The following ACOXL variants were observed in gnomAD, a reference collection of about 807,000 sequenced individuals.
The protein encoded by ACOXL is acyl-coenzyme A oxidase-like protein.
Under a neutral mutation model 71.9 loss-of-function variants are expected in ACOXL, and 70 were observed. The observed-to-expected ratio is 0.97, with a 90% confidence interval of 0.80 to 1.19. The LOEUF is 1.19. Ranked by LOEUF, ACOXL falls within the 50% of genes most tolerant of loss-of-function variation. The pLI is 0.00. For missense variants in ACOXL, 703 were observed against 736.3 expected, an observed-to-expected ratio of 0.95 and a Z score of 0.52; for synonymous variants, 253 against 281.6, an observed-to-expected ratio of 0.90 and a Z score of 1.02.
chr2:110,754,944 G>A (rs1028314131), intron 1 of ACOXL, among the ~76,000 whole-genome samples: 1 of 152,134 alleles, frequency 6.6e-6, no homozygotes, highest in Non-Finnish European at 1.5e-5. Flanking sequence ...TACCTCCAGC[G>A]AATGAGGGGT....
chr2:110,838,347 TGTGTGTGTGTGC>T (rs112762834), intron 9 of ACOXL, among the ~76,000 whole-genome samples: 161 of 151,794 alleles, frequency 1.1e-3, no homozygotes, highest in African/African-American at 3.6e-3. Flanking sequence ...GTACATGTGC[TGTGTGTGTGTGC>T]GTGTGTGTGC....
At chr2:110,985,729 G>A (rs1447609107) in intron 12 of ACOXL, among the ~76,000 whole-genome samples, 1 of 152,154 alleles carries the variant, frequency 6.6e-6, no homozygotes, top group Admixed American at 6.5e-5. Flanking sequence ...CTGGGACTTG[G>A]AAAACCTGAA....
chr2:110,987,108 G>T lies in ACOXL; in HGVS notation c.1060G>T (p.Val354Phe), dbSNP rs769913620. 6.4e-7 allele frequency: 1 copy of T among 1,564,298 alleles called. No homozygotes were observed. Among genetic ancestry groups the T allele is most frequent in the South Asian group, 1.2e-5 (1 of 85,228 alleles). ...GATGAGCGATAAACTCTTTGCACAGGTTGTGGGGCGGGAACTGCTGGCCCA... is the reference window on the plus strand; with the variant it reads ...GATGAGCGATAAACTCTTTGCACAGTTTGTGGGGCGGGAACTGCTGGCCCA... ...QDCRECTGGM[V>F]VGRELLAQYT... is the part of the protein sequence containing the mutation. Residue 354 changes from valine (V) to phenylalanine (F), a missense_variant and splice_region_variant, in exon 13 of 18, where the codon GTT becomes TTT. Val to Phe is a conservative substitution (Grantham distance 50). Transcript: ENST00000439055.
intron 15 of ACOXL, among the ~76,000 whole-genome samples, chr2:111,045,580 A>T (rs558782585): frequency 6.6e-6 from 1 of 152,058 alleles, no homozygotes; most frequent in Non-Finnish European, 1.5e-5. Flanking sequence ...TGTCAATTAA[A>T]CCTCTTTCCT....
At chr2:110,955,770 C>G (rs1035883184) in intron 12 of ACOXL, among the ~76,000 whole-genome samples, 14 of 151,982 alleles carry the variant, frequency 9.2e-5, no homozygotes, top group Non-Finnish European at 1.5e-4. Flanking sequence ...AACAAGCGTC[C>G]TCCCATTCCC....
intron 16 of ACOXL, among the ~76,000 whole-genome samples, chr2:111,079,788 C>T (rs1350946090): frequency 6.7e-6 from 1 of 150,302 alleles, no homozygotes; most frequent in Non-Finnish European, 1.5e-5. Context: ...TACCCAGAAC[C>T]AGAGCCCATA....
At chr2:111,069,780 A>G (rs2067253540) in intron 16 of ACOXL, among the ~76,000 whole-genome samples, 1 of 152,070 alleles carries the variant, frequency 6.6e-6, no homozygotes, top group African/African-American at 2.4e-5. Context: ...CTCTGCATGC[A>G]GAAGAGGTAG....
intron 13 of ACOXL, among the ~76,000 whole-genome samples, chr2:110,987,835 T>C (rs766793292): frequency 6.6e-6 from 1 of 152,230 alleles, no homozygotes; most frequent in Non-Finnish European, 1.5e-5. Context: ...TTCTAATCTC[T>C]GATATCTTGG....
chr2:110,859,105 G>T (rs896553091), intron 10 of ACOXL, among the ~76,000 whole-genome samples: 4 of 152,222 alleles, frequency 2.6e-5, no homozygotes, highest in Admixed American at 6.5e-5. Flanking sequence ...GATTTTATCT[G>T]CCTGGGCTTT....
At chr2:110,800,619 C>G (rs936303538) in intron 7 of ACOXL, among the ~76,000 whole-genome samples, 2 of 151,614 alleles carry the variant, frequency 1.3e-5, no homozygotes, top group Non-Finnish European at 2.9e-5. Context: ...CATGCCAAGC[C>G]AAGGAAGGGA....
intron 11 of ACOXL, among the ~76,000 whole-genome samples, chr2:110,923,123 A>G (rs2060139207): frequency 6.6e-6 from 1 of 152,134 alleles, no homozygotes; most frequent in African/African-American, 2.4e-5. Context: ...GGGGAAAGAG[A>G]CTGCCTTCAC....
intron 12 of ACOXL, among the ~76,000 whole-genome samples, chr2:110,974,129 C>T (rs1359841032): frequency 6.6e-6 from 1 of 152,166 alleles, no homozygotes; most frequent in African/African-American, 2.4e-5. Context: ...GTTGGAATCT[C>T]CCCATTTTGG....
At chr2:110,996,470 C>T (rs1237730967) in intron 14 of ACOXL, among the ~76,000 whole-genome samples, 1 of 152,176 alleles carries the variant, frequency 6.6e-6, no homozygotes. Context: ...TGATAGAAAT[C>T]TAGAGGAAAT....
intron 13 of ACOXL, among the ~76,000 whole-genome samples, chr2:110,989,634 T>C (rs2063087088): frequency 6.6e-6 from 1 of 152,210 alleles, no homozygotes; most frequent in South Asian, 2.1e-4. Context: ...TGGGTAGTTA[T>C]TGTTTCATAG....
intron 16 of ACOXL, among the ~76,000 whole-genome samples, chr2:111,091,834 C>T (rs1480924658): frequency 6.6e-6 from 1 of 152,200 alleles, no homozygotes; most frequent in African/African-American, 2.4e-5. Context: ...CATAATGATG[C>T]TGTTCCAAGG....
At chr2:110,767,027 A>T (rs1011939154) in intron 1 of ACOXL, among the ~76,000 whole-genome samples, 2 of 152,180 alleles carry the variant, frequency 1.3e-5, no homozygotes, top group African/African-American at 2.4e-5. Flanking sequence ...AGGAAGAGCA[A>T]TGCCCCACTG....
At chr2:111,093,438 A>G in intron 17 of ACOXL, 1 of 1,613,256 alleles carries the variant, frequency 6.2e-7, no homozygotes, top group Non-Finnish European at 8.5e-7. Context: ...AGAATGTGAA[A>G]CAGCATACTC....
At chr2:110,794,291 G>A (rs1685023288) in intron 5 of ACOXL, 117 bp downstream of exon 5, 17 of 980,570 alleles carry the variant, frequency 1.7e-5, no homozygotes, top group Non-Finnish European at 2.0e-5. Context: ...GGCCCAGGGA[G>A]CTGAGATTCA....
intron 12 of ACOXL, among the ~76,000 whole-genome samples, chr2:110,953,789 G>A (rs561028676): frequency 6.6e-6 from 1 of 152,300 alleles, no homozygotes; most frequent in East Asian, 1.9e-4. Context: ...AAGGTGAAGG[G>A]GAAGCAATTA....
Sources: allele counts gnomAD v4.1 joint callset (sites outside exome capture counted in the v4.1 genomes callset), GRCh38; gene constraint gnomAD v4.1.1; transcripts MANE v1.5; gene names NCBI Gene and HGNC (gene_info 2026-07-23, HGNC 2026-07-21).